The following INPP4B variants were observed in gnomAD, a reference collection of about 807,000 sequenced individuals.
INPP4B encodes inositol polyphosphate-4-phosphatase type II B, also known as inositol polyphosphate 4-phosphatase type II.
INPP4B carries 55 observed loss-of-function variants against 122.5 expected under a neutral mutation model. The observed-to-expected ratio is 0.45, with a 90% CI of 0.36 to 0.56. The LOEUF is 0.56. Ranked by LOEUF, INPP4B falls within the 20% of genes least tolerant of loss-of-function variation. The pLI, the probability that INPP4B is intolerant of heterozygous loss-of-function variation, is 0.00. For synonymous variants in INPP4B, 403 were observed against 388.7 expected (o/e 1.04, Z -0.43); for missense variants, 1,000 against 1,097.7 (o/e 0.91, Z 1.26).
At chr4:142,673,839 C>A (rs1012626999) in intron 2 of INPP4B, among the ~76,000 whole-genome samples, 7 of 152,090 alleles carry the variant, frequency 4.6e-5, no homozygotes, top group Non-Finnish European at 8.8e-5. Flanking sequence ...AAGAGCTATT[C>A]CTAGATGCGG....
chr4:142,145,991 C>G lies in INPP4B; in HGVS notation c.1569G>C (p.Arg523Ser). 6.2e-7 allele frequency: 1 copy of G among 1,610,654 alleles called. No homozygotes were observed. The highest frequency in any genetic ancestry group is 8.5e-7 in the Non-Finnish European group (1 of 1,178,196). ...HSDYDEEEWD[R>S]VWANVGKSLN... is the part of the protein sequence containing the mutation. ...GGCTCTTCCCCACATTGGCCCACACCCTGTCCTGAAAAAAGCATGAGTATC... is the reference window on the plus strand; with the variant it reads ...GGCTCTTCCCCACATTGGCCCACACGCTGTCCTGAAAAAAGCATGAGTATC... Residue 523 changes from arginine (R) to serine (S), a missense_variant, in exon 18 of 26, where the codon AGG becomes AGC. Coordinates refer to ENST00000262992, the MANE Select transcript of INPP4B (RefSeq NM_001101669.3).
chr4:142,836,429 C>A (rs186770365), intron 1 of INPP4B, among the ~76,000 whole-genome samples: 1 of 151,498 alleles, frequency 6.6e-6, no homozygotes. Flanking sequence ...TGTGTGTGTG[C>A]GCGCGTGTGT....
At chr4:142,263,757 A>C (rs1436584243) in intron 10 of INPP4B, among the ~76,000 whole-genome samples, 1 of 147,908 alleles carries the variant, frequency 6.8e-6, no homozygotes, top group African/African-American at 2.5e-5. Context: ...TAGACACTGC[A>C]ATCTTAGATA....
chr4:142,495,349 AACGCACACAC>A (rs1822405296), intron 2 of INPP4B, among the ~76,000 whole-genome samples: 1 of 152,048 alleles, frequency 6.6e-6, no homozygotes, highest in African/African-American at 2.4e-5. Context: ...ACACATATGA[AACGCACACAC>A]ACGCACACAT....
At chr4:142,677,646 G>C (rs1417003212) in intron 2 of INPP4B, among the ~76,000 whole-genome samples, 1 of 152,080 alleles carries the variant, frequency 6.6e-6, no homozygotes, top group African/African-American at 2.4e-5. Context: ...TATACACCAT[G>C]GAATACTATG....
chr4:142,728,178 A>C (rs2150868978), intron 1 of INPP4B, among the ~76,000 whole-genome samples: 1 of 152,334 alleles, frequency 6.6e-6, no homozygotes, highest in Admixed American at 6.5e-5. Context: ...CACTGGGAGT[A>C]AAATGGACAA....
At chr4:142,517,270 A>C (rs564352616) in intron 2 of INPP4B, among the ~76,000 whole-genome samples, 1 of 152,188 alleles carries the variant, frequency 6.6e-6, no homozygotes, top group African/African-American at 2.4e-5. Context: ...AATAATAGTC[A>C]TTGGGTCTAT....
At chr4:142,322,721 A>C (rs938792893) in intron 7 of INPP4B, among the ~76,000 whole-genome samples, 2 of 152,178 alleles carry the variant, frequency 1.3e-5, no homozygotes, top group Non-Finnish European at 2.9e-5. Flanking sequence ...ATTTTAGTAA[A>C]ATTAGTTTTT....
intron 9 of INPP4B, among the ~76,000 whole-genome samples, chr4:142,272,882 A>G (rs1002236460): frequency 4.6e-5 from 7 of 152,086 alleles, no homozygotes. Context: ...GGCTTGTTTT[A>G]AACTTTTTAC....
chr4:142,192,333 T>TAAAAAAAAA lies in INPP4B; in HGVS notation c.1181+745_1181+753dup, dbSNP rs71586265. On this transcript the variant is annotated intron_variant, in intron 15 of 25. Coordinates refer to ENST00000262992, the MANE Select transcript of INPP4B (RefSeq NM_001101669.3). ...CACACATACCCTTGGAATCTAAAAG[T>TAAAAAAAAA]AAAAAAAAAAAAAAAAAAAAATGGG... 3.5e-3 allele frequency among the ~76,000 whole-genome samples: 31 copies of TAAAAAAAAA among 8,958 alleles called. 1 individual carries two copies. The highest frequency in any genetic ancestry group is 6.1e-3 in the African/African-American group (27 of 4,418). 5.9% of individuals were successfully genotyped at this position (8,958 alleles called of 152,430 possible).
At chr4:142,260,321 C>G (rs1739254773) in intron 11 of INPP4B, among the ~76,000 whole-genome samples, 171 bp downstream of exon 11, 1 of 152,086 alleles carries the variant, frequency 6.6e-6, no homozygotes, top group African/African-American at 2.4e-5. Context: ...GTACATTTAT[C>G]TTTCCTGTGG....
At chr4:142,207,735 C>A (rs1204203200) in intron 14 of INPP4B, among the ~76,000 whole-genome samples, 3 of 151,974 alleles carry the variant, frequency 2.0e-5, no homozygotes, top group African/African-American at 7.2e-5. Context: ...ATATAGTCAT[C>A]CTAAATTTGC....
At chr4:142,085,855 T>A (rs1269131095) in intron 24 of INPP4B, among the ~76,000 whole-genome samples, 4 of 152,194 alleles carry the variant, frequency 2.6e-5, no homozygotes, top group African/African-American at 9.7e-5. Context: ...GACGTTGCAA[T>A]ACGCAACATC....
intron 7 of INPP4B, among the ~76,000 whole-genome samples, chr4:142,390,188 G>A (rs954351029): frequency 6.6e-6 from 1 of 152,092 alleles, no homozygotes; most frequent in Admixed American, 6.5e-5. Flanking sequence ...AAAAATTGGG[G>A]ATAACATTAA....
At chr4:142,030,070 C>T in intron 25 of INPP4B, 5 of 1,427,506 alleles carry the variant, frequency 3.5e-6, no homozygotes, top group South Asian at 1.5e-5. Flanking sequence ...CAGCATTGTC[C>T]CCATAATTTA....
At chr4:142,255,977 A>AT (rs2150302694) in intron 11 of INPP4B, among the ~76,000 whole-genome samples, 1 of 146,718 alleles carries the variant, frequency 6.8e-6, no homozygotes, top group East Asian at 2.1e-4. Context: ...CAGCAAATGT[A>AT]AAGTAACAGA....
intron 1 of INPP4B, among the ~76,000 whole-genome samples, chr4:142,743,782 AGT>A (rs1768248750): frequency 6.6e-6 from 1 of 151,972 alleles, no homozygotes; most frequent in Non-Finnish European, 1.5e-5. Flanking sequence ...AAACAGTTAG[AGT>A]GGCTTTTGAC....
intron 1 of INPP4B, among the ~76,000 whole-genome samples, chr4:142,790,325 G>T (rs897950674): frequency 3.3e-5 from 5 of 151,948 alleles, no homozygotes; most frequent in African/African-American, 9.7e-5. Flanking sequence ...TCTGACAAAG[G>T]ACTGATATCC....
intron 2 of INPP4B, among the ~76,000 whole-genome samples, chr4:142,485,761 C>T (rs1483734297): frequency 6.6e-6 from 1 of 152,142 alleles, no homozygotes; most frequent in African/African-American, 2.4e-5. Flanking sequence ...CATGAATTTA[C>T]TACTAGAACT....
Sources: gnomAD v4.1 joint callset for allele counts (sites outside exome capture counted in the v4.1 genomes callset) on GRCh38, gnomAD v4.1.1 for gene constraint, MANE v1.5 for transcripts, NCBI Gene and HGNC (gene_info 2026-07-23, HGNC 2026-07-21) for gene names.